The following DNAH9 variants were observed in gnomAD, a reference collection of about 807,000 sequenced individuals.
DNAH9 encodes DNAH9 variant protein.
Under a neutral mutation model 471.6 loss-of-function variants are expected in DNAH9, and 345 were observed. That is an observed-to-expected ratio of 0.73 (90% CI 0.67 to 0.80). DNAH9 has a LOEUF of 0.80. DNAH9 is among the 30% of genes least tolerant of loss of function. The probability of loss-of-function intolerance (pLI) is 0.00; values close to 1 mark genes in which losing one functional copy is unlikely to be tolerated. For synonymous variants in DNAH9, 2,093 were observed against 2,123.6 expected, an observed-to-expected ratio of 0.99 and a Z score of 0.40; for missense variants, 5,407 against 5,609.2, an observed-to-expected ratio of 0.96 and a Z score of 1.15.
Position 11,881,405 on chromosome 17 carries a change from C to A in DNAH9, c.10798C>A (p.Gln3600Lys), listed in dbSNP as rs756440719. Residue 3600 changes from glutamine (Q) to lysine (K), a missense_variant, in exon 55 of 69, where the codon CAG (glutamine) becomes AAG (lysine). Gln to Lys is a moderately conservative substitution (Grantham distance 53). Around this residue, in one of 3 missense-constraint regions of DNAH9, gnomAD observed 4,636 missense variants for 4,900.3 expected, o/e 0.95. Coordinates refer to ENST00000262442, the MANE Select transcript of DNAH9 (RefSeq NM_001372.4). The stretch of plus-strand genomic sequence containing the variant: ...CAGCATGGAGAGGCCAGACTTGGAG[C>A]AGCTGAAGGTGAGGACAGAAGGGAG... ...VVSMERPDLE[Q>K]LKSDLTKQQN... is the part of the protein sequence containing the mutation. 1.2e-6 allele frequency: 2 copies of A among 1,612,412 alleles called. No individual in the cohort carries two copies. The highest frequency in any genetic ancestry group is 3.3e-5 in the Admixed American group (2 of 59,954).
chr17:11,949,156 A>T (rs988452513), intron 67 of DNAH9, among the ~76,000 whole-genome samples: 1 of 152,214 alleles, frequency 6.6e-6, no homozygotes. Context: ...CCAAAGAAAG[A>T]TTATGAAAGC....
intron 38 of DNAH9, among the ~76,000 whole-genome samples, chr17:11,775,717 G>T (rs1439490598): frequency 6.9e-6 from 1 of 144,276 alleles, no homozygotes; most frequent in African/African-American, 2.6e-5. Context: ...CCATTCTCCT[G>T]CCTCAGCCTC....
chr17:11,735,833 G>A (rs2075338447), intron 28 of DNAH9, among the ~76,000 whole-genome samples: 1 of 152,164 alleles, frequency 6.6e-6, no homozygotes, highest in South Asian at 2.1e-4. Flanking sequence ...CTCTGAAAAC[G>A]TATATGCTTG....
At chr17:11,704,915 A>C (rs1442799115) in intron 25 of DNAH9, 110 bp from the exon 26 acceptor site, 2 of 851,376 alleles carry the variant, frequency 2.3e-6, no homozygotes, top group Non-Finnish European at 3.9e-6. Context: ...AGCATGCTGC[A>C]CACTTTAGCA....
rs370010345 is a variant in DNAH9, at chr17:11,669,304, C to T, written c.2928+44C>T. 6 of 1,596,322 alleles carry T rather than the reference C, an allele frequency of 3.8e-6. No individual in the cohort carries two copies. In the African/African-American group the frequency reaches 8.0e-5, roughly 21 times the overall value. On this transcript the variant is annotated intron_variant, in intron 16 of 68. Coordinates refer to ENST00000262442, the MANE Select transcript of DNAH9 (RefSeq NM_001372.4). ...TCCTGCCCTCCAACTGTGTCCCGTCCAGCCGAATCTCGAACTTCCTGCCAC... is the reference window on the plus strand; with the variant it reads ...TCCTGCCCTCCAACTGTGTCCCGTCTAGCCGAATCTCGAACTTCCTGCCAC...
intron 68 of DNAH9, among the ~76,000 whole-genome samples, chr17:11,966,971 G>A (rs1343071957): frequency 1.4e-5 from 2 of 142,440 alleles, no homozygotes; most frequent in African/African-American, 2.6e-5. Context: ...GGAGGCAGAG[G>A]TTGCAGTGAG....
chr17:11,810,832 C>CAT (rs1969871938), intron 45 of DNAH9, among the ~76,000 whole-genome samples: 2 of 152,184 alleles, frequency 1.3e-5, no homozygotes, highest in Non-Finnish European at 2.9e-5. Flanking sequence ...ATGTAATTAA[C>CAT]TAGTGATTTA....
intron 39 of DNAH9, among the ~76,000 whole-genome samples, chr17:11,782,325 A>G (rs1968701472): frequency 6.6e-6 from 1 of 152,184 alleles, no homozygotes; most frequent in South Asian, 2.1e-4. Flanking sequence ...TGGCCTTAGT[A>G]TGTCCACTCT....
intron 36 of DNAH9, among the ~76,000 whole-genome samples, chr17:11,767,699 AGT>A (rs56351131): frequency 1.3e-5 from 2 of 150,878 alleles, no homozygotes; most frequent in East Asian, 2.0e-4. Context: ...TTTGGGTCTG[AGT>A]GTGTGTGTGT....
Position 11,700,882 on chromosome 17 carries a change from T to C in DNAH9, c.5026-240T>C, listed in dbSNP as rs368779807. On this transcript the variant is annotated intron_variant, in intron 23 of 68. Transcript: ENST00000262442. Reference sequence around the variant, plus strand: ...AGCCCCCACCCCCTTAACCTGCTACTCTGTCCTGCATATTCCAAATGCACA... The same window carrying C: ...AGCCCCCACCCCCTTAACCTGCTACCCTGTCCTGCATATTCCAAATGCACA... Among the ~76,000 whole-genome samples, 6 of 152,282 alleles carry C rather than the reference T, an allele frequency of 3.9e-5. No individual in the cohort carries two copies. In the East Asian group the frequency reaches 9.7e-4, roughly 25 times the overall value.
intron 14 of DNAH9, among the ~76,000 whole-genome samples, chr17:11,658,852 A>G (rs4791472): frequency 0.97 from 147,436 of 152,200 alleles, 71,483 homozygotes; most frequent in Non-Finnish European, 0.99. Context: ...AATGCATTCG[A>G]TCATGTCATA....
chr17:11,783,354 T>C (rs1043592095), intron 39 of DNAH9, among the ~76,000 whole-genome samples: 2 of 152,202 alleles, frequency 1.3e-5, no homozygotes, highest in African/African-American at 4.8e-5. Context: ...ACCACTCTCT[T>C]CTTTTGAGAA....
chr17:11,647,041 A>G (rs1303978304), intron 11 of DNAH9, 31 bp from the exon 12 acceptor site: 2 of 1,611,130 alleles, frequency 1.2e-6, no homozygotes, highest in African/African-American at 2.7e-5. Context: ...GAGGGGGCTT[A>G]TGAGGTGGCT....
chr17:11,846,817 G>A (rs1971241010), intron 49 of DNAH9, among the ~76,000 whole-genome samples: 1 of 139,728 alleles, frequency 7.2e-6, no homozygotes, highest in Admixed American at 7.4e-5. Context: ...TCTGTTATTG[G>A]TGTATAAGAA....
chr17:11,603,745 C>T (rs1429746790), intron 1 of DNAH9, among the ~76,000 whole-genome samples: 2 of 152,180 alleles, frequency 1.3e-5, no homozygotes, highest in Non-Finnish European at 2.9e-5. Flanking sequence ...TCATTATTTT[C>T]CTGTTTTATC....
intron 56 of DNAH9, chr17:11,884,413 G>A (rs1047184461): frequency 7.5e-5 from 25 of 332,594 alleles, no homozygotes; most frequent in Non-Finnish European, 2.5e-5. Flanking sequence ...AAGGCCTTTT[G>A]CAGTCTCAGT....
At chr17:11,853,052 G>A (rs961843175) in intron 49 of DNAH9, 3 of 151,638 alleles carry the variant, frequency 2.0e-5, no homozygotes, top group African/African-American at 7.3e-5. Flanking sequence ...TAAAGGAAGT[G>A]GCAGGCAAGC....
intron 22 of DNAH9, among the ~76,000 whole-genome samples, chr17:11,699,044 T>A (rs969405038): frequency 6.7e-6 from 1 of 150,262 alleles, no homozygotes; most frequent in Non-Finnish European, 1.5e-5. Context: ...AGATCAGGAG[T>A]TCAAGACCAT....
rs267604731 is a variant in DNAH9 at position 11,679,847 on chromosome 17, C to T, written c.3444C>T (p.Ile1148=). ...GAGATTTCCAAGGCTTGGTTGAGAT[C>T]ATGGGACACCTTATGGCTGTTAAAG... ...EKGDFQGLVE[I]MGHLMAVKER... The change falls in exon 18 of 69, where the codon ATC becomes ATT. Residue 1148 remains isoleucine (I), a synonymous_variant. Coordinates refer to ENST00000262442, the MANE Select transcript of DNAH9 (RefSeq NM_001372.4). The T allele has an allele frequency of 2.9e-5, 46 of 1,613,990 alleles. No homozygotes were observed. The highest frequency in any genetic ancestry group is 3.7e-5 in the Non-Finnish European group (44 of 1,180,002).
Sources: gnomAD v4.1 joint callset for allele counts (sites outside exome capture counted in the v4.1 genomes callset) on GRCh38, gnomAD v4.1.1 for gene constraint, gnomAD v4.1.1 regional missense constraint, MANE v1.5 for transcripts, NCBI Gene and HGNC (gene_info 2026-07-23, HGNC 2026-07-21) for gene names.